Variants in ARAP1 observed in about 807,000 individuals in gnomAD.
ARAP1 encodes ArfGAP with RhoGAP domain, ankyrin repeat and PH domain 1, also known as arf-GAP with Rho-GAP domain, ANK repeat and PH domain-containing protein 1.
In ARAP1, 76 loss-of-function variants were observed where a neutral mutation model predicts 172.2. The observed-to-expected ratio is 0.44, with a 90% confidence interval of 0.37 to 0.53. ARAP1 has a LOEUF of 0.53. Among genes scored for constraint, ARAP1 ranks in the 20% least tolerant of loss-of-function variants. The pLI is 0.00. For missense variants in ARAP1, 1,686 were observed against 1,977.5 expected (o/e 0.85, Z 2.80); for synonymous variants, 804 against 803.3 (o/e 1.00, Z -0.01).
intron 13 of ARAP1, 171 bp from the exon 14 acceptor site, chr11:72,704,505 T>C: frequency 5.9e-6 from 4 of 681,218 alleles, no homozygotes; most frequent in South Asian, 2.0e-5. Context: ...CTGGGGATGC[T>C]CCTGCCACCA....
At position 72,726,945 on chromosome 11, in the gene ARAP1, C is replaced by T. The variant is rs1462123091; in HGVS notation, c.184G>A (p.Ala62Thr). 1.3e-6 allele frequency: 2 copies of T among 1,597,742 alleles called. No individual in the cohort carries two copies. The highest frequency in any genetic ancestry group is 8.5e-7 in the Non-Finnish European group (1 of 1,172,460). ...GAGGTATGGGCACGGAGCAGGCCAG[C>T]CAGGATGCGGCGGCGGTGACCAGGG... ...LLPGHRRRIL[A>T]GLLRAHTSPA... Residue 62 changes from alanine to threonine, a missense_variant, in exon 3 of 35, where the codon GCT becomes ACT. Physicochemically the swap from Ala to Thr is moderately conservative, Grantham distance 58 (BLOSUM62 0). This residue lies in a region of ARAP1 where 190 missense variants were observed against 228.6 expected (regional missense o/e 0.83). Coordinates refer to ENST00000393609, the MANE Select transcript of ARAP1 (RefSeq NM_001040118.3). This position sits in a 1 kb window ranked among gnomAD's most constrained non-coding sequence, Gnocchi z 6.5.
At chr11:72,712,059 T>C in intron 7 of ARAP1, 137 bp downstream of exon 7, 1 of 1,239,838 alleles carries the variant, frequency 8.1e-7, no homozygotes, top group Admixed American at 3.2e-5. Context: ...ACAGTGTGCC[T>C]GGAGGGAGAC....
At chr11:72,717,312 C>T (rs1186238171) in intron 3 of ARAP1, among the ~76,000 whole-genome samples, 1 of 152,198 alleles carries the variant, frequency 6.6e-6, no homozygotes, top group Admixed American at 6.5e-5. Context: ...TCCAAGCTGT[C>T]AGGCCAGGGC....
chr11:72,694,020 T>G (rs1856057601), intron 27 of ARAP1, among the ~76,000 whole-genome samples: 1 of 151,966 alleles, frequency 6.6e-6, no homozygotes, highest in Non-Finnish European at 1.5e-5. Context: ...ATTCAACATG[T>G]GCAAAACCAT....
chr11:72,703,770 T>G, intron 14 of ARAP1: 1 of 201,140 alleles, frequency 5.0e-6, no homozygotes. Flanking sequence ...TCATCTTGAG[T>G]GGGGTGTGGA....
intron 16 of ARAP1, among the ~76,000 whole-genome samples, chr11:72,701,280 C>A (rs1195713348): frequency 2.0e-5 from 3 of 152,044 alleles, no homozygotes; most frequent in African/African-American, 7.2e-5. Flanking sequence ...TGTGGATTTT[C>A]TTCTGAGTTG....
At chr11:72,720,580 C>T (rs898430994) in intron 3 of ARAP1, among the ~76,000 whole-genome samples, 1 of 152,148 alleles carries the variant, frequency 6.6e-6, no homozygotes, top group Non-Finnish European at 1.5e-5. Flanking sequence ...CCACCCTACT[C>T]GCATCCTCAT....
rs1377594714 is a variant in ARAP1 at position 72,726,653 on chromosome 11, G to A, written c.476C>T (p.Pro159Leu). The change falls in exon 3 of 35, where the codon CCG becomes CTG. Residue 159 changes from proline to leucine, a missense_variant. Physicochemically the swap from Pro to Leu is moderately conservative, Grantham distance 98. Transcript: ENST00000393609. The surrounding 1 kb of genome is among the most constrained non-coding windows in gnomAD (Gnocchi z 6.5). ...CAGGCGGGGGGGTCCGGTGCGGGGC[G>A]GCACGGGTGGAACGCTCAGCTCTGC... ...HLAELSVPPV[P>L]PRTGPPRLLV... 14 of 1,534,846 alleles carry A rather than the reference G, an allele frequency of 9.1e-6. No homozygotes were observed. Among genetic ancestry groups the A allele is most frequent in the South Asian group, 2.5e-5 (2 of 80,926 alleles).
chr11:72,745,717 C>T (rs1858346186), intron 1 of ARAP1, among the ~76,000 whole-genome samples: 1 of 152,138 alleles, frequency 6.6e-6, no homozygotes, highest in Non-Finnish European at 1.5e-5. Flanking sequence ...TCCTGTGTCC[C>T]AAAGGGCACC....
chr11:72,685,948 G>GAGGGCAATC (rs756643334), intron 34 of ARAP1, 94 bp downstream of exon 34: 1 of 1,605,440 alleles, frequency 6.2e-7, no homozygotes, highest in South Asian at 1.1e-5. Context: ...GGCAATCGGG[G>GAGGGCAATC]AGGGCAATCA....
chr11:72,722,440 G>T, intron 3 of ARAP1: 1 of 809,744 alleles, frequency 1.2e-6, no homozygotes, highest in Non-Finnish European at 1.5e-6. Context: ...ACAACCAACA[G>T]TGTCCACTGA....
intron 23 of ARAP1, among the ~76,000 whole-genome samples, chr11:72,696,244 G>A (rs957672514): frequency 4.6e-5 from 7 of 152,260 alleles, no homozygotes; most frequent in Middle Eastern, 3.4e-3. Context: ...ATAGAGTTCC[G>A]ATCCTTTGAG....
At chr11:72,687,159 G>A (rs1168313191) in intron 33 of ARAP1, 2 of 501,338 alleles carry the variant, frequency 4.0e-6, no homozygotes, top group Non-Finnish European at 7.3e-6. Flanking sequence ...ATCACACTGG[G>A]CTATAACTGG....
chr11:72,736,838 AG>A (rs1261949062), intron 1 of ARAP1, among the ~76,000 whole-genome samples: 1 of 152,200 alleles, frequency 6.6e-6, no homozygotes, highest in Non-Finnish European at 1.5e-5. Context: ...AAACACCCAC[AG>A]GGAGGAAGTG....
Position 72,726,755 on chromosome 11 carries a change from G to A in ARAP1, c.374C>T (p.Pro125Leu), listed in dbSNP as rs768446677. 19 of 1,545,282 alleles carry A rather than the reference G, an allele frequency of 1.2e-5. No individual in the cohort carries two copies. Among genetic ancestry groups the A allele is most frequent in the East Asian group, 4.9e-5 (2 of 40,762 alleles). The change falls in exon 3 of 35, where the codon CCG (proline) becomes CTG (leucine). Residue 125 changes from proline (P) to leucine (L), a missense_variant. By Grantham distance (98) the Pro-to-Leu change is moderately conservative (BLOSUM62 -3). This residue lies in a region of ARAP1 where 190 missense variants were observed against 228.6 expected (regional missense o/e 0.83). Transcript: ENST00000393609. The surrounding 1 kb of genome is among the most constrained non-coding windows in gnomAD (Gnocchi z 6.5). Reference sequence around the variant, plus strand: ...GGATGGGGTGGTGAAGCAGGTGGGCGGAAGGCAGCTCCTCCGGGGCGGGAT... The same window carrying A: ...GGATGGGGTGGTGAAGCAGGTGGGCAGAAGGCAGCTCCTCCGGGGCGGGAT... ...PPIPPRRSCLPPTCFTTPSTA... is the reference protein window; with the variant it reads ...PPIPPRRSCLLPTCFTTPSTA...
chr11:72,722,283 T>C, intron 3 of ARAP1: 4 of 985,714 alleles, frequency 4.1e-6, no homozygotes, highest in Non-Finnish European at 4.8e-6. Flanking sequence ...GGAGGCTTCC[T>C]GCTTTGTGTC....
intron 13 of ARAP1, chr11:72,705,220 A>G (rs1443660983): frequency 1.3e-5 from 2 of 152,506 alleles, no homozygotes; most frequent in Non-Finnish European, 2.9e-5. Context: ...AGGGGCATAA[A>G]TGTACACGTG....
chr11:72,746,056 C>T (rs1195238090), intron 1 of ARAP1, among the ~76,000 whole-genome samples: 1 of 152,224 alleles, frequency 6.6e-6, no homozygotes, highest in Non-Finnish European at 1.5e-5. Context: ...TCTGACCCTT[C>T]AAGGCTTAAC....
Position 72,704,339 on chromosome 11 carries a change from G to A in ARAP1, c.1810-5C>T. On this transcript the variant is annotated splice_polypyrimidine_tract_variant and splice_region_variant and intron_variant, in intron 13 of 34. Coordinates refer to ENST00000393609, the MANE Select transcript of ARAP1 (RefSeq NM_001040118.3). ...ATTCCCCAGCTGTAAGAAGAGCTGT[G>A]GGGGTGTGCAGGAGGTCAGACGGGC... 1 of 1,568,598 alleles carries A rather than the reference G, an allele frequency of 6.4e-7. No homozygotes were observed.
Sources: gnomAD v4.1 joint callset for allele counts (sites outside exome capture counted in the v4.1 genomes callset) on GRCh38, gnomAD v4.1.1 for gene constraint, gnomAD v4.1.1 regional missense constraint, Gnocchi (gnomAD v3.1) non-coding constraint, MANE v1.5 for transcripts, NCBI Gene and HGNC (gene_info 2026-07-23, HGNC 2026-07-21) for gene names.